The following PLEKHA5 variants were observed in gnomAD, a reference collection of about 807,000 sequenced individuals.
PLEKHA5 encodes the protein pleckstrin homology domain containing A5.
In PLEKHA5, 55 loss-of-function variants were observed where a neutral mutation model predicts 181.9. That is an observed-to-expected ratio of 0.30 (90% CI 0.24 to 0.38). The LOEUF (loss-of-function observed/expected upper bound fraction) is 0.38, where lower values mean the gene tolerates loss of function less well. Among genes scored for constraint, PLEKHA5 ranks in the 10% least tolerant of loss-of-function variants. The pLI, the probability that PLEKHA5 is intolerant of heterozygous loss-of-function variation, is 1.00. For synonymous variants in PLEKHA5, 535 were observed against 529.4 expected (o/e 1.01, Z -0.15); for missense variants, 1,432 against 1,549.5 (o/e 0.92, Z 1.27).
At chr12:19,315,248 A>G (rs2088147193) in intron 16 of PLEKHA5, among the ~76,000 whole-genome samples, 1 of 152,182 alleles carries the variant, frequency 6.6e-6, no homozygotes, top group African/African-American at 2.4e-5. Context: ...TTTAGGGAAA[A>G]GGCTTTGTAA....
At chr12:19,164,392 A>G (rs1010636404) in intron 3 of PLEKHA5, among the ~76,000 whole-genome samples, 1 of 151,760 alleles carries the variant, frequency 6.6e-6, no homozygotes, top group African/African-American at 2.4e-5. Flanking sequence ...ACGGAGTTTC[A>G]CCATGTTGGC....
chr12:19,265,766 T>C lies in PLEKHA5; in HGVS notation c.627T>C (p.Gly209=). ...LFYYRDEKEE[G]ILGSILLPSF... is the part of the protein sequence containing the mutation. Reference sequence around the variant, plus strand: ...ATCTCTTAGATGAGAAAGAAGAGGGTATCCTGGGAAGCATACTGTTACCTA... The same window carrying C: ...ATCTCTTAGATGAGAAAGAAGAGGGCATCCTGGGAAGCATACTGTTACCTA... Residue 209 remains glycine (G), a synonymous_variant, in exon 8 of 32, where the codon GGT becomes GGC. Transcript: ENST00000429027. The C allele has an allele frequency of 6.4e-7, 1 of 1,571,396 alleles. No homozygotes were observed. Among genetic ancestry groups the C allele is most frequent in the South Asian group, 1.1e-5 (1 of 88,738 alleles).
chr12:19,306,894 G>C (rs1270663935), intron 15 of PLEKHA5: 1 of 809,152 alleles, frequency 1.2e-6, no homozygotes, highest in Non-Finnish European at 2.1e-6. Flanking sequence ...GCTAAGGCTT[G>C]TCTCTGTTGG....
chr12:19,160,715 C>G, intron 3 of PLEKHA5, among the ~76,000 whole-genome samples: 1 of 152,000 alleles, frequency 6.6e-6, no homozygotes, highest in South Asian at 2.1e-4. Flanking sequence ...TGATAATTCC[C>G]CTGCCTTTTC....
At chr12:19,180,778 C>G in intron 3 of PLEKHA5, among the ~76,000 whole-genome samples, 1 of 141,902 alleles carries the variant, frequency 7.0e-6, no homozygotes, top group Middle Eastern at 3.6e-3. Context: ...AAATATATAT[C>G]TTTGAAAAAT....
At chr12:19,172,077 T>C (rs1438411115) in intron 3 of PLEKHA5, among the ~76,000 whole-genome samples, 2 of 152,250 alleles carry the variant, frequency 1.3e-5, no homozygotes, top group African/African-American at 4.8e-5. Flanking sequence ...AAAATAACAA[T>C]AAAAAGAAAA....
At chr12:19,174,954 T>C (rs1591931234) in intron 3 of PLEKHA5, among the ~76,000 whole-genome samples, 1 of 152,208 alleles carries the variant, frequency 6.6e-6, no homozygotes, top group Admixed American at 6.5e-5. Flanking sequence ...TATTTGCATA[T>C]GTAGCATTTT....
chr12:19,289,793 T>A (rs2078005075), intron 13 of PLEKHA5, among the ~76,000 whole-genome samples: 1 of 152,040 alleles, frequency 6.6e-6, no homozygotes, highest in South Asian at 2.1e-4. Flanking sequence ...AAAATAAAAC[T>A]GATCTTTTGG....
chr12:19,181,454 G>A (rs560672773), intron 3 of PLEKHA5, among the ~76,000 whole-genome samples: 9 of 152,266 alleles, frequency 5.9e-5, no homozygotes, highest in African/African-American at 2.2e-4. Context: ...CATTAATGTG[G>A]CTGTATTGGT....
intron 3 of PLEKHA5, among the ~76,000 whole-genome samples, chr12:19,217,658 T>G (rs779827321): frequency 3.3e-5 from 5 of 152,156 alleles, no homozygotes; most frequent in Non-Finnish European, 7.4e-5. Context: ...AAGCCAAGAA[T>G]GTAAAGATTT....
chr12:19,285,266 A>G (rs993094388), intron 12 of PLEKHA5, among the ~76,000 whole-genome samples: 1 of 152,216 alleles, frequency 6.6e-6, no homozygotes, highest in African/African-American at 2.4e-5. Context: ...TGGTCTAACA[A>G]TTGGCTCTAA....
chr12:19,339,184 G>A (rs974921395), intron 21 of PLEKHA5, among the ~76,000 whole-genome samples: 13 of 151,784 alleles, frequency 8.6e-5, no homozygotes, highest in Middle Eastern at 3.2e-3. Flanking sequence ...GGGATTACAG[G>A]CATGTGCCAC....
chr12:19,270,455 A>G (rs2072304958), intron 10 of PLEKHA5, among the ~76,000 whole-genome samples: 1 of 152,116 alleles, frequency 6.6e-6, no homozygotes, highest in African/African-American at 2.4e-5. Flanking sequence ...ATAGTTCGTC[A>G]AGCATTTAGA....
At chr12:19,142,170 C>T (rs2037547529) in intron 3 of PLEKHA5, among the ~76,000 whole-genome samples, 1 of 151,912 alleles carries the variant, frequency 6.6e-6, no homozygotes, top group African/African-American at 2.4e-5. Flanking sequence ...GACCAGCCTA[C>T]ACAACATAGT....
chr12:19,132,295 TA>T, intron 2 of PLEKHA5, 97 bp from the exon 3 acceptor site: 2 of 711,090 alleles, frequency 2.8e-6, no homozygotes, highest in Non-Finnish European at 4.9e-6. Flanking sequence ...TCTACTTAAT[TA>T]AAACAGCTAA....
chr12:19,174,824 C>G (rs1208745213), intron 3 of PLEKHA5, among the ~76,000 whole-genome samples: 1 of 152,146 alleles, frequency 6.6e-6, no homozygotes, highest in Non-Finnish European at 1.5e-5. Context: ...AAACATAAAT[C>G]TCCATGCAGT....
intron 3 of PLEKHA5, among the ~76,000 whole-genome samples, chr12:19,214,036 AT>A (rs1393918812): frequency 6.6e-6 from 1 of 152,228 alleles, no homozygotes; most frequent in Admixed American, 6.5e-5. Flanking sequence ...AAACATCAAT[AT>A]TGTTATTGAA....
At position 19,135,877 on chromosome 12, in the gene PLEKHA5, C is replaced by T. The variant is rs996577711; in HGVS notation, c.227+3427C>T. On this transcript the variant is annotated intron_variant, in intron 3 of 31. Coordinates refer to ENST00000429027, the MANE Select transcript of PLEKHA5 (RefSeq NM_001256470.2). Reference sequence around the variant, plus strand: ...AAACAGTAAAATATGAAAAATCTTACTTTGTTTTTTTTTTTTTTTTTGAGG... The same window carrying T: ...AAACAGTAAAATATGAAAAATCTTATTTTGTTTTTTTTTTTTTTTTTGAGG... 5.5e-5 allele frequency among the ~76,000 whole-genome samples: 8 copies of T among 146,486 alleles called. No individual in the cohort carries two copies. The Admixed American group carries it at 5.5e-4, about 10-fold the overall frequency.
intron 20 of PLEKHA5, among the ~76,000 whole-genome samples, chr12:19,328,653 T>C (rs2092525581): frequency 6.6e-6 from 1 of 151,952 alleles, no homozygotes; most frequent in African/African-American, 2.4e-5. Context: ...ATTATTGGTG[T>C]ATAGAAATGC....
Sources: gnomAD v4.1 joint callset for allele counts (sites outside exome capture counted in the v4.1 genomes callset) on GRCh38, gnomAD v4.1.1 for gene constraint, MANE v1.5 for transcripts, NCBI Gene and HGNC (gene_info 2026-07-23, HGNC 2026-07-21) for gene names.